GARNL3: variants seen among roughly 807,000 people sequenced by gnomAD.
GARNL3 encodes GTPase activating Rap/RanGAP domain like 3.
Under a neutral mutation model 125.0 loss-of-function variants are expected in GARNL3, and 63 were observed. That is an observed-to-expected ratio of 0.50 (90% CI 0.41 to 0.62). The LOEUF is 0.62. Ranked by LOEUF, GARNL3 falls within the 20% of genes least tolerant of loss-of-function variation. The pLI is 0.00. For synonymous variants in GARNL3, 439 were observed against 457.5 expected (o/e 0.96, Z 0.52); for missense variants, 994 against 1,244.0 (o/e 0.80, Z 3.02).
chr9:127,241,479 A>G (rs1197959445), intron 1 of GARNL3, among the ~76,000 whole-genome samples: 1 of 151,372 alleles, frequency 6.6e-6, no homozygotes, highest in African/African-American at 2.4e-5. Flanking sequence ...TGAGTGGGTG[A>G]CTTGAGCCTT....
At chr9:127,231,624 C>T (rs769132067) in intron 1 of GARNL3, among the ~76,000 whole-genome samples, 14 of 152,146 alleles carry the variant, frequency 9.2e-5, no homozygotes, top group Non-Finnish European at 1.8e-4. Flanking sequence ...TAGACATCAC[C>T]TAGGTCAACT....
chr9:127,264,469 G>A (rs189368550), upstream of GARNL3: 90 of 980,850 alleles, frequency 9.2e-5, no homozygotes, highest in African/African-American at 1.5e-3. Context: ...CGATTGTGAA[G>A]TTTCTTTCTC....
At chr9:127,278,720 A>T (rs2064023262) in intron 1 of GARNL3, among the ~76,000 whole-genome samples, 1 of 152,128 alleles carries the variant, frequency 6.6e-6, no homozygotes. Context: ...ATTCTCTTAC[A>T]GTTCTGGAGG....
Position 127,393,241 on chromosome 9 carries a change from T to C in GARNL3, c.3029T>C (p.Ile1010Thr). The C allele has an allele frequency of 6.2e-7, 1 of 1,610,308 alleles. No homozygotes were observed. The highest frequency in any genetic ancestry group is 8.5e-7 in the Non-Finnish European group (1 of 1,176,826). The change falls in exon 28 of 28, where the codon ATA (isoleucine) becomes ACA (threonine). Residue 1010 changes from isoleucine (I) to threonine (T), a missense_variant. By Grantham distance (89) the Ile-to-Thr change is moderately conservative. This residue lies in a region of GARNL3 where 728 missense variants were observed against 865.7 expected (regional missense o/e 0.84). Transcript: ENST00000373387. ...ACGGCTTTCTCCGATGAAGACATTA[T>C]AGACTTGAAGTAACAGAGTTGAATC... ...QLTAFSDEDI[I>T]DLK is the part of the protein sequence containing the mutation.
intron 17 of GARNL3, among the ~76,000 whole-genome samples, chr9:127,353,027 C>A (rs1056297544): frequency 2.6e-5 from 4 of 152,112 alleles, no homozygotes; most frequent in African/African-American, 9.7e-5. Context: ...AATGGAACAG[C>A]CTTAGTAATT....
chr9:127,275,100 T>A (rs1394082025), intron 1 of GARNL3, among the ~76,000 whole-genome samples: 1 of 152,254 alleles, frequency 6.6e-6, no homozygotes, highest in Non-Finnish European at 1.5e-5. Flanking sequence ...TATAATGTAA[T>A]ATACCTTTAT....
intron 26 of GARNL3, 125 bp downstream of exon 26, chr9:127,389,244 A>T (rs991542627): frequency 1.5e-6 from 1 of 682,768 alleles, no homozygotes; most frequent in Non-Finnish European, 2.5e-6. Context: ...AGGGATTTTT[A>T]AGTAAGTTCT....
chr9:127,270,665 G>A (rs875708), intron 1 of GARNL3, among the ~76,000 whole-genome samples: 8 of 152,084 alleles, frequency 5.3e-5, no homozygotes, highest in Non-Finnish European at 1.2e-4. Flanking sequence ...CTGCTATTCT[G>A]TAACTCAACA....
At chr9:127,303,150 CA>C (rs1315858462) in intron 2 of GARNL3, among the ~76,000 whole-genome samples, 1 of 150,612 alleles carries the variant, frequency 6.6e-6, no homozygotes. Flanking sequence ...GACTCCATCT[CA>C]AAAAAAATAA....
At chr9:127,246,003 A>G (rs552303022) in intron 2 of GARNL3, among the ~76,000 whole-genome samples, 40 of 152,234 alleles carry the variant, frequency 2.6e-4, no homozygotes, top group African/African-American at 6.3e-4. Flanking sequence ...CTGAACACCA[A>G]TGAAGTTGAC....
At chr9:127,357,157 T>G (rs1830731491) in intron 20 of GARNL3, 62 bp from the exon 21 acceptor site, 26 of 1,549,862 alleles carry the variant, frequency 1.7e-5, no homozygotes, top group Non-Finnish European at 2.3e-5. Context: ...GCAGTGGGGC[T>G]TGGCATGGAG....
intron 1 of GARNL3, among the ~76,000 whole-genome samples, chr9:127,286,464 C>G (rs548525133): frequency 2.6e-5 from 4 of 152,268 alleles, no homozygotes; most frequent in Non-Finnish European, 4.4e-5. Context: ...TTCGTAACAC[C>G]CCAGTCCATT....
At chr9:127,332,711 G>T (rs191022089) in intron 8 of GARNL3, among the ~76,000 whole-genome samples, 1 of 152,064 alleles carries the variant, frequency 6.6e-6, no homozygotes, top group Non-Finnish European at 1.5e-5. Flanking sequence ...AGCACTTTTC[G>T]TGTTAAATAC....
chr9:127,343,087 C>T (rs1196693802), intron 14 of GARNL3, among the ~76,000 whole-genome samples: 4 of 151,780 alleles, frequency 2.6e-5, no homozygotes, highest in Admixed American at 1.3e-4. Context: ...TTAGTAGGGA[C>T]GGGGTTTCTC....
rs1030338336 is a variant in GARNL3, at chr9:127,384,535, A to C, written c.2270-492A>C. ...AGGGACACTGCGAGGGCCAGTGAGG[A>C]ATAAGATGCAGCCCCGGCTCAGACG... On this transcript the variant is annotated intron_variant, in intron 23 of 27. Coordinates refer to ENST00000373387, the MANE Select transcript of GARNL3 (RefSeq NM_032293.5). The surrounding 1 kb of genome is among the most constrained non-coding windows in gnomAD (Gnocchi z 4.0). Among the ~76,000 whole-genome samples, 11 of 152,168 alleles carry C rather than the reference A, an allele frequency of 7.2e-5. No homozygotes were observed. The highest frequency in any genetic ancestry group is 2.7e-4 in the African/African-American group (11 of 41,438).
At chr9:127,391,533 A>AAAAAGAATATATAT in intron 27 of GARNL3, among the ~76,000 whole-genome samples, 2 of 75,874 alleles carry the variant, frequency 2.6e-5, no homozygotes, top group African/African-American at 7.8e-5. Flanking sequence ...ACAAAAAAAA[A>AAAAAGAATATATAT]ATATATATAT....
At chr9:127,329,004 C>A (rs1333898415) in intron 7 of GARNL3, among the ~76,000 whole-genome samples, 1 of 152,194 alleles carries the variant, frequency 6.6e-6, no homozygotes, top group Non-Finnish European at 1.5e-5. Context: ...GGCCTTGAGA[C>A]CTTGAGAGCT....
intron 22 of GARNL3, among the ~76,000 whole-genome samples, chr9:127,376,043 C>T (rs929171664): frequency 9.9e-5 from 15 of 152,094 alleles, no homozygotes; most frequent in Admixed American, 3.9e-4. Flanking sequence ...CACTGCAACC[C>T]CTGCTTCTGG....
chr9:127,378,221 G>A (rs2131793730), intron 22 of GARNL3, among the ~76,000 whole-genome samples: 1 of 145,054 alleles, frequency 6.9e-6, no homozygotes, highest in East Asian at 2.1e-4. Flanking sequence ...TCCAGCCTGG[G>A]CAACAAAGCA....
Sources: gnomAD v4.1 joint callset for allele counts (sites outside exome capture counted in the v4.1 genomes callset) on GRCh38, gnomAD v4.1.1 for gene constraint, gnomAD v4.1.1 regional missense constraint, Gnocchi (gnomAD v3.1) non-coding constraint, MANE v1.5 for transcripts, NCBI Gene and HGNC (gene_info 2026-07-23, HGNC 2026-07-21) for gene names.